Variants in EIF2A observed in about 807,000 individuals in gnomAD.
The protein encoded by EIF2A is eukaryotic translation initiation factor 2A.
A neutral mutation model predicts 75.2 loss-of-function variants in EIF2A; 62 were observed. The ratio of observed to expected loss-of-function variants is 0.82; its 90% CI spans 0.67 to 1.02. The LOEUF is 1.02. EIF2A is among the 50% of genes least tolerant of loss of function. The pLI, the probability that EIF2A is intolerant of heterozygous loss-of-function variation, is 0.00. For synonymous variants in EIF2A, 207 were observed against 239.0 expected (o/e 0.87, Z 1.23); for missense variants, 611 against 677.7 (o/e 0.90, Z 1.09).
intron 11 of EIF2A, among the ~76,000 whole-genome samples, chr3:150,577,507 ATTTT>A (rs1238968158): frequency 1.3e-5 from 2 of 151,674 alleles, no homozygotes; most frequent in Non-Finnish European, 2.9e-5. Context: ...TTCCCAACTA[ATTTT>A]TTTATTTTTG....
chr3:150,584,075 TATTAA>T lies in EIF2A; in HGVS notation c.*168_*172del, dbSNP rs1263786079. ...AAGTGTAAAATTATTTAATAATGTC[TATTAA>T]ATTGATATTTATATCTTGCATCCTA... On this transcript the variant is annotated 3_prime_UTR_variant, in exon 14 of 14. Transcript: ENST00000460851. The T allele has an allele frequency of 3.3e-6, 2 of 604,320 alleles. No individual in the cohort carries two copies. The highest frequency in any genetic ancestry group is 3.5e-5 in the Admixed American group (1 of 28,232). The allele number at this position is 604,320 out of a possible 1,614,324, so 37.4% of individuals were successfully genotyped here.
chr3:150,578,462 TATAA>T (rs1317823792), intron 11 of EIF2A, among the ~76,000 whole-genome samples: 2 of 151,442 alleles, frequency 1.3e-5, no homozygotes, highest in Non-Finnish European at 2.9e-5. Context: ...GTAACTCTGT[TATAA>T]ATGTGTAACT....
chr3:150,552,374 T>C lies in EIF2A; in HGVS notation c.47T>C (p.Leu16Pro). 6.4e-7 allele frequency: 1 copy of C among 1,552,566 alleles called. No individual in the cohort carries two copies. Among genetic ancestry groups the C allele is most frequent in the South Asian group, 1.2e-5 (1 of 83,970 alleles). The change falls in exon 2 of 14, where the codon CTG becomes CCG. Residue 16 changes from leucine to proline, a missense_variant. Coordinates refer to ENST00000460851, the MANE Select transcript of EIF2A (RefSeq NM_032025.5). ...PLLTVRGSEG[L>P]YMVNGPPHFT... ...TCTTTAGTCCGAGGATCAGAAGGACTGTACATGGTGAATGGACCACCACAT... is the reference window on the plus strand; with the variant it reads ...TCTTTAGTCCGAGGATCAGAAGGACCGTACATGGTGAATGGACCACCACAT...
rs1177630288 is a variant in EIF2A at position 150,568,293 on chromosome 3, G to A, written c.811+1G>A. 10 of 1,605,274 alleles carry A rather than the reference G, an allele frequency of 6.2e-6. No individual in the cohort carries two copies. Among genetic ancestry groups the A allele is most frequent in the Admixed American group, 1.7e-5 (1 of 58,844 alleles). On this transcript the variant is annotated splice_donor_variant, in intron 9 of 13. Coordinates refer to ENST00000460851, the MANE Select transcript of EIF2A (RefSeq NM_032025.5). LOFTEE classifies it high-confidence loss of function. ...GGAGAAAGTGCTGTAGTGCAATTAC[G>A]TGAGTATTCCAGCAGTCTTCCTTTG...
At chr3:150,583,078 C>A in intron 12 of EIF2A, 122 bp from the exon 13 acceptor site, 1 of 803,000 alleles carries the variant, frequency 1.2e-6, no homozygotes, top group Non-Finnish European at 1.9e-6. Context: ...TTTTAACAGA[C>A]CATTGTTGAT....
At chr3:150,550,986 C>T (rs2107899804) in intron 1 of EIF2A, among the ~76,000 whole-genome samples, 1 of 152,286 alleles carries the variant, frequency 6.6e-6, no homozygotes. Flanking sequence ...CCAGCTTCAT[C>T]ATCCTCTAGC....
intron 3 of EIF2A, chr3:150,558,718 G>A (rs1450411013): frequency 4.6e-6 from 1 of 217,948 alleles, no homozygotes; most frequent in Non-Finnish European, 8.9e-6. Context: ...AAGAAGTTGA[G>A]TTGTTTTAAA....
chr3:150,552,039 A>G (rs1203925278), intron 1 of EIF2A, among the ~76,000 whole-genome samples: 1 of 152,224 alleles, frequency 6.6e-6, no homozygotes, highest in Non-Finnish European at 1.5e-5. Context: ...TAACGTATCC[A>G]AGGTTCCACA....
chr3:150,564,304 C>T lies in EIF2A; in HGVS notation c.398C>T (p.Pro133Leu). 1 of 1,572,078 alleles carries T rather than the reference C, an allele frequency of 6.4e-7. No individual in the cohort carries two copies. Among genetic ancestry groups the T allele is most frequent in the Non-Finnish European group, 8.6e-7 (1 of 1,164,104 alleles). The change falls in exon 6 of 14, where the codon CCA (proline) becomes CTA (leucine). Residue 133 changes from proline to leucine, a missense_variant. Transcript: ENST00000460851. ...FIQKKMQNWC[P>L]SWSEDETLCA... is the part of the protein sequence containing the mutation. The stretch of plus-strand genomic sequence containing the variant: ...TTTTTTTTTCATTGACATAGGTGTC[C>T]ATCCTGGTCAGAAGATGAAACTCTT...
chr3:150,550,897 A>G (rs1723281576), intron 1 of EIF2A, among the ~76,000 whole-genome samples: 1 of 152,024 alleles, frequency 6.6e-6, no homozygotes, highest in Non-Finnish European at 1.5e-5. Flanking sequence ...GGCTCAAGCC[A>G]TCTGCCTGCC....
At chr3:150,564,814 T>C (rs1040906637) in intron 6 of EIF2A, 1 of 188,726 alleles carries the variant, frequency 5.3e-6, no homozygotes, top group Non-Finnish European at 1.1e-5. Context: ...TATACTTTTA[T>C]ATACTTGTTA....
chr3:150,551,153 T>G (rs1424686949), intron 1 of EIF2A, among the ~76,000 whole-genome samples: 1 of 152,230 alleles, frequency 6.6e-6, no homozygotes, highest in Non-Finnish European at 1.5e-5. Flanking sequence ...ACCTTCCATT[T>G]TTAGGTTAAA....
chr3:150,561,099 C>G (rs1006018096), intron 3 of EIF2A, among the ~76,000 whole-genome samples: 1 of 151,998 alleles, frequency 6.6e-6, no homozygotes, highest in South Asian at 2.1e-4. Flanking sequence ...TACTGATTTC[C>G]CTAGCTGCTA....
chr3:150,568,017 A>G lies in EIF2A; in HGVS notation c.665A>G (p.Asp222Gly). The change falls in exon 8 of 14, where the codon GAT becomes GGT. Residue 222 changes from aspartate (D) to glycine (G), a missense_variant. Coordinates refer to ENST00000460851, the MANE Select transcript of EIF2A (RefSeq NM_032025.5). Reference protein sequence around the residue: ...ALANKSFFKADKVTMLWNKKA... With the variant: ...ALANKSFFKAGKVTMLWNKKA... ...GCTAATAAAAGTTTCTTTAAGGCAGATAAAGTTACAATGCTGTGGAATAAA... is the reference window on the plus strand; with the variant it reads ...GCTAATAAAAGTTTCTTTAAGGCAGGTAAAGTTACAATGCTGTGGAATAAA... 10 of 1,611,646 alleles carry G rather than the reference A, an allele frequency of 6.2e-6. 1 individual carries two copies. The South Asian group carries it at 9.9e-5, about 16-fold the overall frequency.
rs143353993 is a variant in EIF2A at position 150,566,829 on chromosome 3, TC to T, written c.476-861del. The T allele has an allele frequency of 3.6e-3, 553 of 152,338 alleles. 5 individuals are homozygous for T. The highest frequency in any genetic ancestry group is 0.013 in the African/African-American group (530 of 41,582). The allele number at this position is 152,338 out of a possible 1,614,324, so 9.4% of individuals were successfully genotyped here. Reference sequence around the variant, plus strand: ...TTGCAGTTCTTTTGTCTTTAGAGCATCCCATTACTGATTGTACAGTTTTGAG... The same window carrying T: ...TTGCAGTTCTTTTGTCTTTAGAGCATCCATTACTGATTGTACAGTTTTGAG... On this transcript the variant is annotated intron_variant, in intron 6 of 13. Transcript: ENST00000460851.
rs1333693770 is a variant in EIF2A at position 150,585,064 on chromosome 3, G to A, written c.*1153G>A. On this transcript the variant is annotated 3_prime_UTR_variant, in exon 14 of 14. Coordinates refer to ENST00000460851, the MANE Select transcript of EIF2A (RefSeq NM_032025.5). ...GTTCTGTTTGGGGCTTTTTGGTGGT[G>A]GTGTTTGTTTGACAGGGTCTCACTC... Among the ~76,000 whole-genome samples the A allele has an allele frequency of 2.6e-5, 4 of 151,796 alleles. No homozygotes were observed. Among genetic ancestry groups the A allele is most frequent in the African/African-American group, 7.3e-5 (3 of 41,334 alleles).
At chr3:150,549,218 CT>C (rs1185066787) in intron 1 of EIF2A, among the ~76,000 whole-genome samples, 1 of 100,720 alleles carries the variant, frequency 9.9e-6, no homozygotes, top group East Asian at 3.3e-4. Flanking sequence ...TTCTTTCTTT[CT>C]TTCTTTTTTT....
chr3:150,579,358 T>C (rs1725047372), intron 11 of EIF2A, among the ~76,000 whole-genome samples: 1 of 152,182 alleles, frequency 6.6e-6, no homozygotes, highest in Admixed American at 6.5e-5. Flanking sequence ...TGTTTTCATG[T>C]AGAAGGTAAA....
intron 10 of EIF2A, among the ~76,000 whole-genome samples, chr3:150,574,176 T>G (rs1208565295): frequency 6.6e-6 from 1 of 152,136 alleles, no homozygotes; most frequent in African/African-American, 2.4e-5. Context: ...AATTAAAATG[T>G]GTTCATCAAA....
Sources: gnomAD v4.1 joint callset for allele counts (sites outside exome capture counted in the v4.1 genomes callset) on GRCh38, gnomAD v4.1.1 for gene constraint, MANE v1.5 for transcripts, NCBI Gene and HGNC (gene_info 2026-07-23, HGNC 2026-07-21) for gene names.